FCRL2: variants seen among roughly 807,000 people sequenced by gnomAD.
FCRL2 encodes Fc receptor-like protein 2.
FCRL2 carries 48 observed loss-of-function variants against 59.8 expected under a neutral mutation model. The observed-to-expected ratio is 0.80, with a 90% confidence interval of 0.64 to 1.02. The LOEUF (loss-of-function observed/expected upper bound fraction) is 1.02. Among genes scored for constraint, FCRL2 ranks in the 50% least tolerant of loss-of-function variants. The probability of loss-of-function intolerance (pLI) is 0.00; values close to 1 mark genes in which losing one functional copy is unlikely to be tolerated. For synonymous variants in FCRL2, 251 were observed against 229.5 expected (o/e 1.09, Z -0.85); for missense variants, 658 against 597.3 (o/e 1.10, Z -1.06).
At chr1:157,759,405 A>G (rs1287605366) in intron 7 of FCRL2, among the ~76,000 whole-genome samples, 1 of 152,212 alleles carries the variant, frequency 6.6e-6, no homozygotes, top group African/African-American at 2.4e-5. Context: ...TTCATGATGA[A>G]GACTCCAAAA....
chr1:157,756,110 T>C (rs1648569200), intron 7 of FCRL2, among the ~76,000 whole-genome samples: 1 of 152,224 alleles, frequency 6.6e-6, no homozygotes, highest in Admixed American at 6.5e-5. Flanking sequence ...GTCCTCATGA[T>C]AAGAGATTAG....
chr1:157,751,475 C>T (rs560909778), intron 7 of FCRL2, among the ~76,000 whole-genome samples: 105 of 152,226 alleles, frequency 6.9e-4, no homozygotes, highest in African/African-American at 2.4e-3. Flanking sequence ...AGGAGTGCCC[C>T]GTGTGGACAC....
chr1:157,770,150 T>C lies in FCRL2; in HGVS notation c.311A>G (p.Glu104Gly). Residue 104 changes from glutamate to glycine, a missense_variant and splice_region_variant, in exon 4 of 12, where the codon GAG (glutamate) becomes GGG (glycine). Coordinates refer to ENST00000361516, the MANE Select transcript of FCRL2 (RefSeq NM_030764.4). ...AGTCAGCACAGGACGTTGAAAGAGC[T>C]CTAGAGAGAAGGATCACAATAGTCC... ...TSNIVKIKVQ[E>G]LFQRPVLTAS... The C allele has an allele frequency of 6.2e-7, 1 of 1,612,452 alleles. No homozygotes were observed. The highest frequency in any genetic ancestry group is 8.5e-7 in the Non-Finnish European group (1 of 1,179,154).
At chr1:157,771,318 A>G (rs1326329719) in intron 2 of FCRL2, among the ~76,000 whole-genome samples, 3 of 151,950 alleles carry the variant, frequency 2.0e-5, no homozygotes, top group Non-Finnish European at 4.4e-5. Flanking sequence ...CGGGCACTTT[A>G]TTTTTTCATC....
intron 2 of FCRL2, among the ~76,000 whole-genome samples, chr1:157,772,847 G>A (rs1650128462): frequency 6.6e-6 from 1 of 152,090 alleles, no homozygotes; most frequent in Non-Finnish European, 1.5e-5. Context: ...TTACTTAAGA[G>A]GTTCCAGAGA....
At chr1:157,755,283 C>T (rs1369104801) in intron 7 of FCRL2, among the ~76,000 whole-genome samples, 2 of 152,070 alleles carry the variant, frequency 1.3e-5, no homozygotes, top group Non-Finnish European at 2.9e-5. Context: ...ACAAAGAGCT[C>T]ACCATAAACA....
Position 157,746,892 on chromosome 1 carries a change from G to C in FCRL2, c.1467C>G (p.Ile489Met). The C allele has an allele frequency of 6.2e-7, 1 of 1,613,704 alleles. No homozygotes were observed. The highest frequency in any genetic ancestry group is 1.1e-5 in the South Asian group (1 of 91,074). Reference protein sequence around the residue: ...SMQQPESSANIRTLLENKDSQ... With the variant: ...SMQQPESSANMRTLLENKDSQ... ...TCACCTTGTTCTCCAGAAGTGTCCT[G>C]ATGTTTGCTGTTAAGGAAAAAGTAA... Residue 489 changes from isoleucine to methionine, a missense_variant, in exon 11 of 12, where the codon ATC becomes ATG. By Grantham distance (10) the Ile-to-Met change is conservative (BLOSUM62 1). Coordinates refer to ENST00000361516, the MANE Select transcript of FCRL2 (RefSeq NM_030764.4).
At position 157,748,582 on chromosome 1, in the gene FCRL2, A is replaced by G. The variant is rs767265232; in HGVS notation, c.1430T>C (p.Val477Ala). 1.2e-5 allele frequency: 19 copies of G among 1,613,880 alleles called. 1 individual carries two copies. In the South Asian group the frequency reaches 1.3e-4, roughly 11 times the overall value. The part of the protein sequence containing the change: ...SVDVDVVYSQ[V>A]WSMQQPESSA... Reference sequence around the variant, plus strand: ...GCTTTCTGGCTGCTGCATGCTCCAGACCTGAGAATAAACCACATCCACATC... The same window carrying G: ...GCTTTCTGGCTGCTGCATGCTCCAGGCCTGAGAATAAACCACATCCACATC... The change falls in exon 10 of 12, where the codon GTC becomes GCC. Residue 477 changes from valine to alanine, a missense_variant. Physicochemically the swap from Val to Ala is moderately conservative, Grantham distance 64. Coordinates refer to ENST00000361516, the MANE Select transcript of FCRL2 (RefSeq NM_030764.4).
intron 5 of FCRL2, chr1:157,767,723 G>A: frequency 6.5e-7 from 1 of 1,530,750 alleles, no homozygotes. Context: ...TGCAGACACG[G>A]TCATCTGTTG....
At chr1:157,767,600 C>A (rs748783241) in intron 5 of FCRL2, 91 bp from the exon 6 acceptor site, 3 of 1,614,052 alleles carry the variant, frequency 1.9e-6, no homozygotes. Context: ...AAGGGCCTGG[C>A]CCCATGGCTG....
At chr1:157,750,256 A>C (rs1411388668) in intron 7 of FCRL2, among the ~76,000 whole-genome samples, 1 of 152,250 alleles carries the variant, frequency 6.6e-6, no homozygotes, top group African/African-American at 2.4e-5. Context: ...TGTGTGTTTA[A>C]AGAGAATCCT....
chr1:157,771,547 A>T (rs916177298), intron 2 of FCRL2, among the ~76,000 whole-genome samples: 1 of 152,206 alleles, frequency 6.6e-6, no homozygotes, highest in Non-Finnish European at 1.5e-5. Flanking sequence ...AGTAGAGATT[A>T]TTTTTAATCC....
At chr1:157,753,481 T>A (rs1460285045) in intron 7 of FCRL2, among the ~76,000 whole-genome samples, 1 of 152,172 alleles carries the variant, frequency 6.6e-6, no homozygotes, top group Non-Finnish European at 1.5e-5. Flanking sequence ...TACAACCAAA[T>A]GAAAAAGTTT....
chr1:157,767,686 AG>A (rs1169837030), intron 5 of FCRL2, 177 bp from the exon 6 acceptor site: 6 of 1,573,056 alleles, frequency 3.8e-6, no homozygotes, highest in Non-Finnish European at 5.2e-6. Context: ...TAGACGTTTG[AG>A]GGGAATATCA....
chr1:157,752,285 G>A (rs1422094127), intron 7 of FCRL2, among the ~76,000 whole-genome samples: 1 of 152,162 alleles, frequency 6.6e-6, no homozygotes, highest in Non-Finnish European at 1.5e-5. Flanking sequence ...TCATGATAGT[G>A]AATAAGACTC....
At chr1:157,758,839 T>A (rs1327975033) in intron 7 of FCRL2, among the ~76,000 whole-genome samples, 2 of 152,148 alleles carry the variant, frequency 1.3e-5, no homozygotes, top group Non-Finnish European at 2.9e-5. Flanking sequence ...GGGAAAGGAC[T>A]CTCTAATAAA....
At chr1:157,761,618 G>A (rs555569763) in intron 7 of FCRL2, among the ~76,000 whole-genome samples, 9 of 151,726 alleles carry the variant, frequency 5.9e-5, no homozygotes, top group African/African-American at 1.9e-4. Flanking sequence ...CCCCCAAAAG[G>A]CACACTTTTA....
chr1:157,770,202 G>T (rs751874797), intron 3 of FCRL2, 52 bp from the exon 4 acceptor site: 1 of 1,587,890 alleles, frequency 6.3e-7, no homozygotes, highest in Admixed American at 1.7e-5. Flanking sequence ...TAAGATTCCT[G>T]CTGAAAAGCC....
chr1:157,749,961 T>C (rs1648054231), intron 7 of FCRL2, among the ~76,000 whole-genome samples: 1 of 152,244 alleles, frequency 6.6e-6, no homozygotes, highest in Non-Finnish European at 1.5e-5. Context: ...ATTGTCTCTT[T>C]GTCTATTCAT....
Sources: allele counts gnomAD v4.1 joint callset (sites outside exome capture counted in the v4.1 genomes callset), GRCh38; gene constraint gnomAD v4.1.1; transcripts MANE v1.5; gene names NCBI Gene and HGNC (gene_info 2026-07-23, HGNC 2026-07-21).